KCNIP4: variants seen among roughly 807,000 people sequenced by gnomAD.
KCNIP4 encodes Kv channel-interacting protein 4.
A neutral mutation model predicts 34.0 loss-of-function variants in KCNIP4; 12 were observed. The observed-to-expected ratio is 0.35, with a 90% CI of 0.23 to 0.57. KCNIP4 has a LOEUF of 0.57. Ranked by LOEUF, KCNIP4 falls within the 20% of genes least tolerant of loss-of-function variation. The pLI is 0.83. For synonymous variants in KCNIP4, 124 were observed against 102.2 expected, an observed-to-expected ratio of 1.21 and a Z score of -1.29; for missense variants, 238 against 311.7, an observed-to-expected ratio of 0.76 and a Z score of 1.78.
intron 1 of KCNIP4, among the ~76,000 whole-genome samples, chr4:21,646,836 C>G (rs537112534): frequency 4.1e-4 from 63 of 152,270 alleles, no homozygotes; most frequent in Non-Finnish European, 7.4e-4. Flanking sequence ...CAACTTTACC[C>G]TCTTATTTTA....
chr4:21,348,948 C>G (rs1475050854), intron 1 of KCNIP4, among the ~76,000 whole-genome samples: 1 of 152,018 alleles, frequency 6.6e-6, no homozygotes, highest in Admixed American at 6.6e-5. Flanking sequence ...CCAGGTGGAA[C>G]AAATGAAAAA....
At chr4:21,774,829 T>C (rs1445736271) in intron 1 of KCNIP4, among the ~76,000 whole-genome samples, 1 of 152,208 alleles carries the variant, frequency 6.6e-6, no homozygotes, top group Non-Finnish European at 1.5e-5. Flanking sequence ...CCTGTTATTC[T>C]AATTAGCAAT....
intron 1 of KCNIP4, among the ~76,000 whole-genome samples, chr4:21,366,577 G>T (rs1719787493): frequency 6.6e-6 from 1 of 152,156 alleles, no homozygotes; most frequent in Admixed American, 6.5e-5. Context: ...AGCTCAAGAA[G>T]GTGAAAGACA....
At chr4:21,568,778 T>C (rs1448014553) in intron 1 of KCNIP4, among the ~76,000 whole-genome samples, 3 of 152,138 alleles carry the variant, frequency 2.0e-5, no homozygotes, top group Admixed American at 6.5e-5. Flanking sequence ...ACTGGCTTCC[T>C]GGCTCCTCAG....
chr4:21,172,646 C>T (rs1754097110), intron 1 of KCNIP4, among the ~76,000 whole-genome samples: 1 of 152,128 alleles, frequency 6.6e-6, no homozygotes, highest in Non-Finnish European at 1.5e-5. Context: ...CTTTAGGGAT[C>T]TCCCAATTTA....
chr4:21,583,717 TTC>T (rs1741406261), intron 1 of KCNIP4, among the ~76,000 whole-genome samples: 1 of 152,036 alleles, frequency 6.6e-6, no homozygotes, highest in African/African-American at 2.4e-5. Flanking sequence ...CACCCATTTC[TTC>T]TGAGTTCCAA....
chr4:21,405,081 C>T (rs1723856174), intron 1 of KCNIP4, among the ~76,000 whole-genome samples: 1 of 152,162 alleles, frequency 6.6e-6, no homozygotes, highest in Admixed American at 6.5e-5. Flanking sequence ...ATCCTCCATC[C>T]TCTGACCTCT....
At chr4:21,197,449 C>T (rs905840497) in intron 1 of KCNIP4, among the ~76,000 whole-genome samples, 4 of 152,106 alleles carry the variant, frequency 2.6e-5, no homozygotes, top group African/African-American at 4.8e-5. Flanking sequence ...CTCTTTTAAA[C>T]GTCACAACCA....
intron 1 of KCNIP4, among the ~76,000 whole-genome samples, chr4:21,464,387 T>C (rs1256190177): frequency 5.9e-5 from 9 of 152,046 alleles, no homozygotes; most frequent in Admixed American, 2.0e-4. Flanking sequence ...ATTTTTCGTA[T>C]GTTTTATCTT....
At chr4:21,890,903 G>C (rs551093520) in intron 1 of KCNIP4, among the ~76,000 whole-genome samples, 5 of 152,232 alleles carry the variant, frequency 3.3e-5, no homozygotes, top group Non-Finnish European at 4.4e-5. Context: ...CTTACATACA[G>C]GGCAGTTCAG....
At chr4:21,615,110 T>G (rs1175985892) in intron 1 of KCNIP4, among the ~76,000 whole-genome samples, 2 of 147,756 alleles carry the variant, frequency 1.4e-5, no homozygotes, top group African/African-American at 5.0e-5. Flanking sequence ...AAAGAAAGAA[T>G]GAAAGAAGGA....
At chr4:21,787,184 G>T (rs1719967508) in intron 1 of KCNIP4, among the ~76,000 whole-genome samples, 2 of 152,106 alleles carry the variant, frequency 1.3e-5, no homozygotes, top group Non-Finnish European at 2.9e-5. Context: ...TTACCTTCAG[G>T]CTATGTGTAC....
At chr4:21,705,524 A>G (rs564985220) in intron 1 of KCNIP4, among the ~76,000 whole-genome samples, 1 of 152,136 alleles carries the variant, frequency 6.6e-6, no homozygotes, top group Non-Finnish European at 1.5e-5. Context: ...GGTGCTGAAT[A>G]TACATGAGTG....
intron 2 of KCNIP4, among the ~76,000 whole-genome samples, chr4:20,856,790 T>C (rs981665521): frequency 2.0e-5 from 3 of 152,030 alleles, no homozygotes; most frequent in African/African-American, 7.2e-5. Context: ...ACAGCAAAAG[T>C]AGAGGGGATT....
At chr4:20,730,753 A>G (rs1050334688) in intron 8 of KCNIP4, among the ~76,000 whole-genome samples, 1 of 152,186 alleles carries the variant, frequency 6.6e-6, no homozygotes, top group African/African-American at 2.4e-5. Flanking sequence ...TGTTCAGTTT[A>G]GCATATTCTT....
In KCNIP4 at chr4:21,271,706, G is replaced by T. The variant is rs188722704; in HGVS notation, c.62-388997C>A. Among the ~76,000 whole-genome samples, 13 of 152,178 alleles carry T rather than the reference G, an allele frequency of 8.5e-5. No individual in the cohort carries two copies. The East Asian group carries it at 2.5e-3, about 29-fold the overall frequency. ...TTCCAGAAGCTTGGGATCAATGGGA[G>T]AAATAAAATCCTTCCGTAAATAATG... is the stretch of plus-strand genomic sequence containing the variant. On this transcript the variant is annotated intron_variant, in intron 1 of 8. Transcript: ENST00000382152.
chr4:21,180,540 G>T (rs1363611951), intron 1 of KCNIP4, among the ~76,000 whole-genome samples: 2 of 151,632 alleles, frequency 1.3e-5, no homozygotes, highest in East Asian at 1.9e-4. Flanking sequence ...TTTTGGAGTG[G>T]AATTTACAGC....
intron 1 of KCNIP4, among the ~76,000 whole-genome samples, chr4:21,590,559 G>T (rs1742116963): frequency 6.6e-6 from 1 of 151,792 alleles, no homozygotes; most frequent in South Asian, 2.1e-4. Context: ...AGCAAAGAAA[G>T]GATGAATGAA....
chr4:21,108,928 C>G (rs1171605516), intron 1 of KCNIP4, among the ~76,000 whole-genome samples: 1 of 152,160 alleles, frequency 6.6e-6, no homozygotes, highest in Non-Finnish European at 1.5e-5. Context: ...TCGTGAACCA[C>G]GAATGCTGCT....
Sources: gnomAD v4.1 joint callset for allele counts (sites outside exome capture counted in the v4.1 genomes callset) on GRCh38, gnomAD v4.1.1 for gene constraint, MANE v1.5 for transcripts, NCBI Gene and HGNC (gene_info 2026-07-23, HGNC 2026-07-21) for gene names.